Variants in RUVBL1 observed in about 807,000 individuals in gnomAD.
RUVBL1 encodes RuvB like AAA ATPase 1.
A neutral mutation model predicts 52.4 loss-of-function variants in RUVBL1; 4 were observed. The ratio of observed to expected loss-of-function variants is 0.08; its 90% CI spans 0.04 to 0.17. RUVBL1 has a LOEUF of 0.17. Among genes scored for constraint, RUVBL1 ranks in the 10% least tolerant of loss-of-function variants. The pLI, the probability that RUVBL1 is intolerant of heterozygous loss-of-function variation, is 1.00. For missense variants in RUVBL1, 298 were observed against 572.8 expected (o/e 0.52, Z 4.90); for synonymous variants, 217 against 214.4 (o/e 1.01, Z -0.10).
At chr3:128,078,466 A>C (rs890820210), downstream of RUVBL1, among the ~76,000 whole-genome samples, 1 of 152,142 alleles carries the variant, frequency 6.6e-6, no homozygotes, top group African/African-American at 2.4e-5. Context: ...GGCCATTAGC[A>C]CAGGAGACAG....
At chr3:128,087,957 G>A in intron 8 of RUVBL1, 149 bp from the exon 9 acceptor site, 3 of 575,736 alleles carry the variant, frequency 5.2e-6, no homozygotes, top group Non-Finnish European at 9.4e-6. Flanking sequence ...CTAACCTCCA[G>A]TGGCATAAAA....
Position 128,082,772 on chromosome 3 carries a change from G to A in RUVBL1, c.1120-198C>T. 1 of 526,712 alleles carries A rather than the reference G, an allele frequency of 1.9e-6. No individual in the cohort carries two copies. Among genetic ancestry groups the A allele is most frequent in the Non-Finnish European group, 3.4e-6 (1 of 291,972 alleles). 32.6% of individuals were successfully genotyped at this position (526,712 alleles called of 1,614,324 possible). A position where few individuals can be genotyped will look rare whatever the true frequency, so the allele number is the denominator to read the frequency against. ...TCCAGGAGGCATGTGCGGCCCTGCAGTATGCATGAATAGCATCACGGCCAG... is the reference window on the plus strand; with the variant it reads ...TCCAGGAGGCATGTGCGGCCCTGCAATATGCATGAATAGCATCACGGCCAG... On this transcript the variant is annotated intron_variant, in intron 9 of 10. Coordinates refer to ENST00000322623, the MANE Select transcript of RUVBL1 (RefSeq NM_003707.3). This position sits in a 1 kb window ranked among gnomAD's most constrained non-coding sequence, Gnocchi z 4.7.
At chr3:128,139,150 T>TAATA (rs1943984866) in intron 1 of RUVBL1, among the ~76,000 whole-genome samples, 1 of 152,096 alleles carries the variant, frequency 6.6e-6, no homozygotes, top group African/African-American at 2.4e-5. Context: ...ATTTCTTGAG[T>TAATA]AATACCCCAT....
intron 8 of RUVBL1, among the ~76,000 whole-genome samples, chr3:128,089,976 G>A (rs372611226): frequency 6.6e-6 from 1 of 150,836 alleles, no homozygotes; most frequent in East Asian, 2.0e-4. Flanking sequence ...GGATCTAAGG[G>A]GAGGAAGGGT....
chr3:128,067,239 C>T lies in RUVBL1; in HGVS notation c.940-2019G>A. Reference sequence around the variant, plus strand: ...TCTTGCTCATGAACAGATATTTCATCCAAAGATATTTTCCATTGTGCCTTT... The same window carrying T: ...TCTTGCTCATGAACAGATATTTCATTCAAAGATATTTTCCATTGTGCCTTT... On this transcript the variant is annotated intron_variant, in intron 9 of 9. Transcript: ENST00000464873. This position sits in a 1 kb window ranked among gnomAD's most constrained non-coding sequence, Gnocchi z 4.1. The T allele has an allele frequency of 7.3e-7, 1 of 1,376,442 alleles. No individual in the cohort carries two copies. Among genetic ancestry groups the T allele is most frequent in the Admixed American group, 1.8e-5 (1 of 54,664 alleles). 85.3% of individuals were successfully genotyped at this position (1,376,442 alleles called of 1,614,324 possible).
chr3:128,065,907 A>G (rs1941962566), intron 9 of RUVBL1, among the ~76,000 whole-genome samples: 1 of 151,514 alleles, frequency 6.6e-6, no homozygotes, highest in East Asian at 1.9e-4. Flanking sequence ...ACGCCCGGCT[A>G]ATTTTTTTTT....
In RUVBL1 at chr3:128,067,183, T is replaced by C; in HGVS notation, c.940-1963A>G. The C allele has an allele frequency of 6.3e-7, 1 of 1,586,310 alleles. No homozygotes were observed. Among genetic ancestry groups the C allele is most frequent in the Non-Finnish European group, 8.7e-7 (1 of 1,154,698 alleles). ...AGGCTCTTTGAAGATGAGCTAGCAA[T>C]GCAGCTAAGTTGCAGTGGTTTCTAT... is the stretch of plus-strand genomic sequence containing the variant. On this transcript the variant is annotated intron_variant, in intron 9 of 9. Transcript: ENST00000464873. This position sits in a 1 kb window ranked among gnomAD's most constrained non-coding sequence, Gnocchi z 4.1.
intron 3 of RUVBL1, among the ~76,000 whole-genome samples, chr3:128,107,781 T>A (rs1384787707): frequency 1.3e-5 from 2 of 152,246 alleles, no homozygotes; most frequent in African/African-American, 2.4e-5. Flanking sequence ...AACACTGTGG[T>A]AAACTGGGAA....
At chr3:128,065,276 T>A in intron 9 of RUVBL1, 1 of 616,538 alleles carries the variant, frequency 1.6e-6, no homozygotes. Context: ...ATCATGTTCT[T>A]CTGGGTTGGG....
At chr3:128,100,560 T>C (rs1943088267) in intron 6 of RUVBL1, 35 bp downstream of exon 6, 2 of 1,563,976 alleles carry the variant, frequency 1.3e-6, no homozygotes, top group African/African-American at 1.4e-5. Context: ...ACAAAAGGGC[T>C]AATGTGCCAG....
chr3:128,139,608 C>T (rs1048277098), intron 1 of RUVBL1, among the ~76,000 whole-genome samples: 3 of 152,098 alleles, frequency 2.0e-5, no homozygotes, highest in Non-Finnish European at 2.9e-5. Context: ...TCTGTACTCC[C>T]GTGTTTACTG....
intron 1 of RUVBL1, among the ~76,000 whole-genome samples, chr3:128,145,029 G>C (rs1287355328): frequency 6.6e-6 from 1 of 152,202 alleles, no homozygotes; most frequent in Non-Finnish European, 1.5e-5. Context: ...TGACAACTCA[G>C]AGGAAGGAGG....
At chr3:128,140,220 TTTTG>T in intron 1 of RUVBL1, among the ~76,000 whole-genome samples, 1 of 63,024 alleles carries the variant, frequency 1.6e-5, no homozygotes, top group Non-Finnish European at 2.7e-5. Flanking sequence ...ATACAAGTTT[TTTTG>T]TTTGTTTGTT....
At chr3:128,130,493 G>C (rs986656585) in intron 1 of RUVBL1, among the ~76,000 whole-genome samples, 1 of 151,306 alleles carries the variant, frequency 6.6e-6, no homozygotes, top group African/African-American at 2.4e-5. Flanking sequence ...AGGAGCAATG[G>C]CTCATGCCTG....
intron 1 of RUVBL1, among the ~76,000 whole-genome samples, chr3:128,134,097 A>T (rs908861781): frequency 6.6e-6 from 1 of 152,148 alleles, no homozygotes; most frequent in Non-Finnish European, 1.5e-5. Context: ...GAGCTGAAAA[A>T]TTCAGTTGAT....
At chr3:128,065,154 G>C in exon 10 of RUVBL1, 2 of 1,161,186 alleles carry the variant, frequency 1.7e-6, no homozygotes, top group Non-Finnish European at 2.6e-6. Flanking sequence ...TTGAAACGAT[G>C]AGATGGTATT....
At chr3:128,096,529 A>T (rs1458401988) in intron 8 of RUVBL1, among the ~76,000 whole-genome samples, 1 of 152,194 alleles carries the variant, frequency 6.6e-6, no homozygotes, top group Non-Finnish European at 1.5e-5. Context: ...GGTCTGGGAT[A>T]GAAAGAAAAT....
At chr3:128,115,147 C>T (rs927762565) in intron 2 of RUVBL1, among the ~76,000 whole-genome samples, 2 of 152,144 alleles carry the variant, frequency 1.3e-5, no homozygotes, top group African/African-American at 4.8e-5. Flanking sequence ...TAGCCTATGA[C>T]CTTGATCATC....
At chr3:128,152,260 G>A (rs751480574) in intron 1 of RUVBL1, among the ~76,000 whole-genome samples, 3 of 152,148 alleles carry the variant, frequency 2.0e-5, no homozygotes, top group Non-Finnish European at 2.9e-5. Context: ...CACATTGTGC[G>A]TTCAATTTAG....
Sources: gnomAD v4.1 joint callset for allele counts (sites outside exome capture counted in the v4.1 genomes callset) on GRCh38, gnomAD v4.1.1 for gene constraint, Gnocchi (gnomAD v3.1) non-coding constraint, MANE v1.5 for transcripts, NCBI Gene and HGNC (gene_info 2026-07-23, HGNC 2026-07-21) for gene names.